PCDH15: variants seen among roughly 807,000 people sequenced by gnomAD.
PCDH15 encodes protocadherin related 15.
In PCDH15, 129 loss-of-function variants were observed where a neutral mutation model predicts 178.5. The observed-to-expected ratio is 0.72, with a 90% CI of 0.63 to 0.84. The LOEUF (loss-of-function observed/expected upper bound fraction) is 0.84. PCDH15 is among the 40% of genes least tolerant of loss of function. The pLI, the probability that PCDH15 is intolerant of heterozygous loss-of-function variation, is 0.00. For synonymous variants in PCDH15, 800 were observed against 732.0 expected (o/e 1.09, Z -1.50); for missense variants, 2,230 against 2,099.9 (o/e 1.06, Z -1.21).
intron 3 of PCDH15, among the ~76,000 whole-genome samples, chr10:54,497,886 G>T (rs2080282099): frequency 6.6e-6 from 1 of 152,094 alleles, no homozygotes; most frequent in South Asian, 2.1e-4. Context: ...ATATATTTGA[G>T]AATATTGTCT....
At chr10:54,698,207 G>A (rs1042468257) in intron 1 of PCDH15, among the ~76,000 whole-genome samples, 1 of 152,112 alleles carries the variant, frequency 6.6e-6, no homozygotes, top group African/African-American at 2.4e-5. Flanking sequence ...GTTGGCATGG[G>A]ATAAATGAAA....
chr10:54,657,352 C>T (rs1201917884), intron 2 of PCDH15, among the ~76,000 whole-genome samples: 2 of 152,208 alleles, frequency 1.3e-5, no homozygotes, highest in African/African-American at 4.8e-5. Flanking sequence ...CCACCAGCTA[C>T]ACCTGTCAGG....
intron 25 of PCDH15, among the ~76,000 whole-genome samples, chr10:53,913,198 C>T (rs747172918): frequency 7.2e-5 from 11 of 152,072 alleles, no homozygotes; most frequent in Non-Finnish European, 1.5e-4. Flanking sequence ...GGAAAGGATT[C>T]CCTATTTAAT....
chr10:54,627,500 A>T (rs576717628), intron 2 of PCDH15, among the ~76,000 whole-genome samples: 1 of 152,266 alleles, frequency 6.6e-6, no homozygotes, highest in East Asian at 1.9e-4. Context: ...GCTGCCATCC[A>T]CATAAGATGT....
At chr10:55,182,035 C>T (rs1839664590) in intron 1 of PCDH15, among the ~76,000 whole-genome samples, 3 of 151,812 alleles carry the variant, frequency 2.0e-5, no homozygotes, top group Admixed American at 2.0e-4. Context: ...ACATGATGAA[C>T]CGTGTCTTGT....
chr10:54,731,888 T>C (rs1267530669), intron 1 of PCDH15, among the ~76,000 whole-genome samples: 1 of 150,894 alleles, frequency 6.6e-6, no homozygotes, highest in African/African-American at 2.4e-5. Flanking sequence ...GTTTGATAGA[T>C]CAATAGGGTG....
chr10:54,090,058 A>G lies in PCDH15; in HGVS notation c.1923T>C (p.Thr641=). ...ATGTTATTGAGTCTCCCTCTCGATC[A>G]GTTGCCTTCAGAGAGAAAACATAAT... is the stretch of plus-strand genomic sequence containing the variant. ...VGAVLLNLQA[T]DREGDSITYA... is the part of the protein sequence containing the mutation. The change falls in exon 16 of 38, where the codon ACT becomes ACC. Residue 641 remains threonine, a synonymous_variant. Transcript: ENST00000644397. 1 of 1,609,368 alleles carries G rather than the reference A, an allele frequency of 6.2e-7. No homozygotes were observed. Among genetic ancestry groups the G allele is most frequent in the Non-Finnish European group, 8.5e-7 (1 of 1,176,158 alleles).
At chr10:55,124,358 C>G (rs552916800) in intron 2 of PCDH15, among the ~76,000 whole-genome samples, 9 of 152,014 alleles carry the variant, frequency 5.9e-5, no homozygotes, top group Non-Finnish European at 1.2e-4. Context: ...GGATAAAATT[C>G]TAATGATCCA....
chr10:54,832,594 A>G (rs984090459), intron 3 of PCDH15, among the ~76,000 whole-genome samples: 4 of 152,202 alleles, frequency 2.6e-5, no homozygotes, highest in Non-Finnish European at 5.9e-5. Flanking sequence ...GTACATTTGT[A>G]TGGAAATAAA....
chr10:54,220,369 T>C (rs1255804235), intron 9 of PCDH15, among the ~76,000 whole-genome samples: 1 of 152,216 alleles, frequency 6.6e-6, no homozygotes, highest in Non-Finnish European at 1.5e-5. Flanking sequence ...TTCTGAACTC[T>C]CACGGCTAGT....
At chr10:54,956,135 G>C (rs1340886629) in intron 2 of PCDH15, among the ~76,000 whole-genome samples, 1 of 151,270 alleles carries the variant, frequency 6.6e-6, no homozygotes, top group Admixed American at 6.6e-5. Context: ...CTCAGTGCCA[G>C]TATTGATTGA....
rs2060597577 is a variant in PCDH15 at position 54,307,120 on chromosome 10, ATATATATATATAT to A, written c.876+10138_876+10150del. ...TGTGTGTGTGTATATATATATATAT[ATATATATATATAT>A]ATATATATATATATATAAAATTGCT... On this transcript the variant is annotated intron_variant, in intron 8 of 37. Transcript: ENST00000644397. Among the ~76,000 whole-genome samples the A allele has an allele frequency of 5.1e-5, 3 of 58,776 alleles. 1 individual carries two copies. The Admixed American group carries it at 6.5e-4, about 13-fold the overall frequency. 38.6% of individuals were successfully genotyped at this position (58,776 alleles called of 152,430 possible).
chr10:55,057,352 G>A (rs1358358839), intron 2 of PCDH15, among the ~76,000 whole-genome samples: 1 of 152,084 alleles, frequency 6.6e-6, no homozygotes, highest in African/African-American at 2.4e-5. Flanking sequence ...AAAACACCCT[G>A]ATGCTTTTCT....
Position 55,285,052 on chromosome 10 carries a change from T to A in PCDH15, c.-156+34547A>T, listed in dbSNP as rs961916809. 1.1e-4 allele frequency among the ~76,000 whole-genome samples: 17 copies of A among 151,464 alleles called. 1 individual carries two copies. Among genetic ancestry groups the A allele is most frequent in the Admixed American group, 1.1e-3 (17 of 15,160 alleles). On this transcript the variant is annotated intron_variant, in intron 1 of 5. Coordinates refer to the PCDH15 transcript ENST00000458638. ...AAATATTAACTATAGTTGAATAGTT[T>A]TCTTAATCTCTCTGAAGATATTGAG...
intron 3 of PCDH15, among the ~76,000 whole-genome samples, chr10:54,501,236 T>TA (rs796065889): frequency 8.0e-4 from 86 of 107,522 alleles, no homozygotes; most frequent in Middle Eastern, 4.9e-3. Context: ...AGTATAATAA[T>TA]AAAAAAAAAA....
At chr10:53,855,480 C>T (rs751013015) in intron 28 of PCDH15, among the ~76,000 whole-genome samples, 2 of 152,020 alleles carry the variant, frequency 1.3e-5, no homozygotes, top group African/African-American at 4.8e-5. Context: ...ATAACCATCA[C>T]CCTCATAAAA....
At chr10:54,518,743 G>T (rs1272934016) in intron 3 of PCDH15, among the ~76,000 whole-genome samples, 1 of 152,108 alleles carries the variant, frequency 6.6e-6, no homozygotes, top group African/African-American at 2.4e-5. Flanking sequence ...CCAAAGCCTG[G>T]CAGAGACGCA....
chr10:54,345,371 A>G (rs1342294), intron 6 of PCDH15, among the ~76,000 whole-genome samples: 112,123 of 151,886 alleles, frequency 0.74, 42,506 homozygotes, highest in African/African-American at 0.86. Flanking sequence ...TGTTAACTTC[A>G]CCATTGTTTA....
At chr10:54,269,186 G>T (rs1410555047) in intron 8 of PCDH15, among the ~76,000 whole-genome samples, 4 of 151,982 alleles carry the variant, frequency 2.6e-5, no homozygotes, top group African/African-American at 9.7e-5. Context: ...TCAGCTTTCA[G>T]TGAAGGTGAT....
Sources: allele counts gnomAD v4.1 joint callset (sites outside exome capture counted in the v4.1 genomes callset), GRCh38; gene constraint gnomAD v4.1.1; transcripts MANE v1.5; gene names NCBI Gene and HGNC (gene_info 2026-07-23, HGNC 2026-07-21).